MSRA: variants seen among roughly 807,000 people sequenced by gnomAD.
MSRA encodes the protein methionine sulfoxide reductase A, also known as mitochondrial peptide methionine sulfoxide reductase.
A neutral mutation model predicts 31.3 loss-of-function variants in MSRA; 54 were observed. The ratio of observed to expected loss-of-function variants is 1.73; its 90% CI spans 1.39 to 2.17. The LOEUF (loss-of-function observed/expected upper bound fraction) is 2.17, where lower values mean the gene tolerates loss of function less well. MSRA is among the 30% of genes most tolerant of loss of function. MSRA has a pLI of 0.00. For synonymous variants in MSRA, 169 were observed against 116.5 expected, an observed-to-expected ratio of 1.45 and a Z score of -2.90; for missense variants, 507 against 300.9, an observed-to-expected ratio of 1.69 and a Z score of -5.07.
intron 1 of MSRA, among the ~76,000 whole-genome samples, chr8:10,073,108 T>C (rs910508554): frequency 2.6e-5 from 4 of 152,052 alleles, no homozygotes; most frequent in African/African-American, 9.7e-5. Context: ...TCCAGTATTA[T>C]GTTAAATAAA....
At chr8:10,232,443 G>A (rs1811571965) in intron 2 of MSRA, among the ~76,000 whole-genome samples, 1 of 152,190 alleles carries the variant, frequency 6.6e-6, no homozygotes, top group Non-Finnish European at 1.5e-5. Flanking sequence ...GCCAATTTAT[G>A]TAGTGAACCC....
chr8:10,086,251 G>C (rs184647360), intron 1 of MSRA, among the ~76,000 whole-genome samples: 4 of 152,334 alleles, frequency 2.6e-5, no homozygotes, highest in Admixed American at 2.6e-4. Context: ...GGCATGAATT[G>C]AAGATGACTC....
At chr8:10,361,676 C>A (rs1804854441) in intron 5 of MSRA, among the ~76,000 whole-genome samples, 1 of 152,118 alleles carries the variant, frequency 6.6e-6, no homozygotes, top group African/African-American at 2.4e-5. Context: ...CCCAAAAACA[C>A]AACACAACAA....
intron 1 of MSRA, among the ~76,000 whole-genome samples, chr8:10,085,799 G>T (rs945122342): frequency 1.3e-5 from 2 of 152,146 alleles, no homozygotes; most frequent in Non-Finnish European, 2.9e-5. Flanking sequence ...TGTCTCCATA[G>T]TTATCTTTTT....
At chr8:10,222,125 A>G (rs532607008) in intron 2 of MSRA, among the ~76,000 whole-genome samples, 9 of 151,420 alleles carry the variant, frequency 5.9e-5, no homozygotes, top group Non-Finnish European at 7.4e-5. Context: ...TGAAGATGGC[A>G]TATTTAGGTT....
chr8:10,126,217 A>T lies in MSRA; in HGVS notation c.142+71559A>T, dbSNP rs78889822. Among the ~76,000 whole-genome samples, 1,311 of 152,358 alleles carry T rather than the reference A, an allele frequency of 8.6e-3. 17 individuals are homozygous for T. Among genetic ancestry groups the T allele is most frequent in the African/African-American group, 0.028 (1,185 of 41,584 alleles). On this transcript the variant is annotated intron_variant, in intron 1 of 5. Coordinates refer to ENST00000317173, the MANE Select transcript of MSRA (RefSeq NM_012331.5). ...TAGGTCACAGTTGTTGAAGCCAGAC[A>T]ACGTGAAAGAAGATGATGGGCAAAA...
rs183402792 is a variant in MSRA at position 10,224,446 on chromosome 8, A to G, written c.211+16545A>G. Among the ~76,000 whole-genome samples, 2 of 152,260 alleles carry G rather than the reference A, an allele frequency of 1.3e-5. 1 individual carries two copies. The highest frequency in any genetic ancestry group is 2.9e-5 in the Non-Finnish European group (2 of 68,006). ...AACAACAGTATTCTCCTTTTTCACA[A>G]AAGAGCTTGATTTTCCTATTTAAAC... On this transcript the variant is annotated intron_variant, in intron 2 of 5. Coordinates refer to ENST00000317173, the MANE Select transcript of MSRA (RefSeq NM_012331.5).
At chr8:10,366,180 G>C (rs879637391) in intron 5 of MSRA, among the ~76,000 whole-genome samples, 2 of 152,234 alleles carry the variant, frequency 1.3e-5, no homozygotes, top group Non-Finnish European at 2.9e-5. Flanking sequence ...CTGATTTTTT[G>C]AAAGAGAGAA....
chr8:10,239,501 A>G (rs1004810767), intron 2 of MSRA, among the ~76,000 whole-genome samples: 2 of 152,234 alleles, frequency 1.3e-5, no homozygotes, highest in East Asian at 1.9e-4. Flanking sequence ...AAATATTTAT[A>G]TACTTTGTAA....
chr8:10,077,554 C>G (rs759906353), intron 1 of MSRA, among the ~76,000 whole-genome samples: 2 of 142,528 alleles, frequency 1.4e-5, no homozygotes, highest in African/African-American at 2.6e-5. Flanking sequence ...AACTCATGAG[C>G]TCAAGTGACC....
At chr8:10,084,680 T>G (rs951189291) in intron 1 of MSRA, among the ~76,000 whole-genome samples, 2 of 152,186 alleles carry the variant, frequency 1.3e-5, no homozygotes, top group East Asian at 1.9e-4. Context: ...GAGGTAGGTA[T>G]TATTTTATGA....
chr8:10,342,663 A>T (rs1228911184), intron 5 of MSRA, among the ~76,000 whole-genome samples: 1 of 152,206 alleles, frequency 6.6e-6, no homozygotes, highest in Non-Finnish European at 1.5e-5. Context: ...AAGGCCTCCG[A>T]GTCCAGCGCA....
intron 5 of MSRA, among the ~76,000 whole-genome samples, chr8:10,382,485 G>C (rs1364162141): frequency 6.6e-6 from 1 of 152,218 alleles, no homozygotes; most frequent in Non-Finnish European, 1.5e-5. Context: ...CAAGGAGGCA[G>C]GCTTTGAGTG....
Position 10,301,173 on chromosome 8 carries a change from T to C in MSRA, c.332-361T>C, listed in dbSNP as rs749676684. ...AGTGATGATAAAAATAAATTGGCTCTTTCCCTTTGCAGAGTTTCAGTTCTT... is the reference window on the plus strand; with the variant it reads ...AGTGATGATAAAAATAAATTGGCTCCTTCCCTTTGCAGAGTTTCAGTTCTT... On this transcript the variant is annotated intron_variant, in intron 3 of 5. Coordinates refer to ENST00000317173, the MANE Select transcript of MSRA (RefSeq NM_012331.5). 4.6e-5 allele frequency among the ~76,000 whole-genome samples: 7 copies of C among 152,224 alleles called. No individual in the cohort carries two copies. The South Asian group carries it at 6.2e-4, about 14-fold the overall frequency.
intron 1 of MSRA, among the ~76,000 whole-genome samples, chr8:10,155,205 G>T (rs1028448213): frequency 6.6e-6 from 1 of 152,040 alleles, no homozygotes; most frequent in African/African-American, 2.4e-5. Flanking sequence ...TGTCGGTAGG[G>T]ATATTGATGA....
At chr8:10,247,400 C>G (rs986923943) in intron 3 of MSRA, among the ~76,000 whole-genome samples, 2 of 152,156 alleles carry the variant, frequency 1.3e-5, no homozygotes, top group African/African-American at 2.4e-5. Context: ...TCCATTCATC[C>G]CTTTGCACTT....
In MSRA at chr8:10,348,357, CT is replaced by C. The variant is rs34083972; in HGVS notation, c.543+28393del. On this transcript the variant is annotated intron_variant, in intron 5 of 5. Transcript: ENST00000317173. ...CCAACTTATATCCAGAAATTATTGC[CT>C]TTTTTTTTTTTTTTTTTTTTTTTTG... 7.2e-3 allele frequency among the ~76,000 whole-genome samples: 461 copies of C among 64,254 alleles called. 1 individual carries two copies. The highest frequency in any genetic ancestry group is 0.026 in the African/African-American group (394 of 15,052). The allele number at this position is 64,254 out of a possible 152,430, so 42.2% of individuals were successfully genotyped here.
intron 5 of MSRA, among the ~76,000 whole-genome samples, chr8:10,343,036 CACACACACACACACACAG>C (rs201267964): frequency 0.08 from 9,614 of 120,644 alleles, 839 homozygotes; most frequent in East Asian, 0.47. Context: ...CACACACACA[CACACACACACACACACAG>C]ACACACACAC....
At chr8:10,398,990 C>T (rs1354381758) in intron 5 of MSRA, among the ~76,000 whole-genome samples, 1 of 152,174 alleles carries the variant, frequency 6.6e-6, no homozygotes, top group Non-Finnish European at 1.5e-5. Flanking sequence ...GGGAAAAAGC[C>T]CGAGGACTGG....
Sources: gnomAD v4.1 joint callset for allele counts (sites outside exome capture counted in the v4.1 genomes callset) on GRCh38, gnomAD v4.1.1 for gene constraint, MANE v1.5 for transcripts, NCBI Gene and HGNC (gene_info 2026-07-23, HGNC 2026-07-21) for gene names.